Variants in ZFAT observed in about 807,000 individuals in gnomAD.
The protein encoded by ZFAT is zinc finger protein ZFAT.
ZFAT carries 64 observed loss-of-function variants against 117.7 expected under a neutral mutation model. That is an observed-to-expected ratio of 0.54 (90% CI 0.44 to 0.67). The LOEUF is 0.67. Among genes scored for constraint, ZFAT ranks in the 30% least tolerant of loss-of-function variants. The probability of loss-of-function intolerance (pLI) is 0.00; values close to 1 mark genes in which losing one functional copy is unlikely to be tolerated. For synonymous variants in ZFAT, 679 were observed against 615.0 expected (o/e 1.10, Z -1.54); for missense variants, 1,433 against 1,584.5 (o/e 0.90, Z 1.62).
chr8:134,735,399 G>A, the ZFAT span, among the ~76,000 whole-genome samples: 2 of 152,126 alleles, frequency 1.3e-5, no homozygotes, highest in African/African-American at 4.8e-5. Flanking sequence ...GGGATTGGAG[G>A]GCAGGCTATA....
intron 3 of ZFAT, among the ~76,000 whole-genome samples, chr8:134,630,216 A>G (rs76139143): frequency 0.02 from 3,102 of 152,354 alleles, 52 homozygotes; most frequent in Non-Finnish European, 0.03. Flanking sequence ...AAGACCAAGC[A>G]CGGCTGGAGA....
the ZFAT span, among the ~76,000 whole-genome samples, chr8:134,752,886 C>G: frequency 6.6e-6 from 1 of 152,150 alleles, no homozygotes; most frequent in Non-Finnish European, 1.5e-5. Flanking sequence ...GCCCCATCTC[C>G]AAATACCATC....
chr8:134,715,827 G>A (rs1246587086), upstream of ZFAT, among the ~76,000 whole-genome samples: 3 of 152,064 alleles, frequency 2.0e-5, no homozygotes, highest in South Asian at 2.1e-4. Context: ...GAATATATTC[G>A]TGTCAATAAT....
intron 11 of ZFAT, among the ~76,000 whole-genome samples, chr8:134,548,630 T>C (rs187627311): frequency 1.3e-4 from 20 of 152,286 alleles, no homozygotes. Flanking sequence ...TTTCACAAAA[T>C]GTAAGTGCTG....
chr8:134,685,084 GACGT>G (rs962117686), intron 1 of ZFAT, among the ~76,000 whole-genome samples: 5 of 152,098 alleles, frequency 3.3e-5, no homozygotes, highest in African/African-American at 1.2e-4. Context: ...TGGTCACACA[GACGT>G]TCCTATTAGT....
At chr8:134,635,551 C>T (rs112421184) in intron 3 of ZFAT, among the ~76,000 whole-genome samples, 14 of 152,162 alleles carry the variant, frequency 9.2e-5, no homozygotes, top group African/African-American at 2.7e-4. Context: ...TAAAATGCAA[C>T]GTCGTTACCT....
intron 2 of ZFAT, chr8:134,639,738 A>G: frequency 2.2e-6 from 1 of 456,338 alleles, no homozygotes; most frequent in Non-Finnish European, 4.4e-6. Flanking sequence ...TTCATATCAG[A>G]GAAGCAGAAT....
the ZFAT span, among the ~76,000 whole-genome samples, chr8:134,810,935 G>T: frequency 4.6e-5 from 7 of 151,842 alleles, no homozygotes; most frequent in Admixed American, 6.6e-5. Context: ...TAACTAACAT[G>T]GGGGGGAAAT....
intron 15 of ZFAT, among the ~76,000 whole-genome samples, chr8:134,482,675 T>A (rs117818462): frequency 6.6e-6 from 1 of 152,236 alleles, no homozygotes; most frequent in Non-Finnish European, 1.5e-5. Flanking sequence ...AGAATCCCCA[T>A]GAAATTCATC....
At position 134,602,508 on chromosome 8, in the gene ZFAT, T is replaced by A; in HGVS notation, c.1211A>T (p.Tyr404Phe). The A allele has an allele frequency of 6.2e-7, 1 of 1,613,916 alleles. No individual in the cohort carries two copies. The highest frequency in any genetic ancestry group is 8.5e-7 in the Non-Finnish European group (1 of 1,180,024). ...CTTGCGCTCACAGATGTGGCAGTCA[T>A]AGAGCAGCTGCCGCTTGCCCTCCCT... ...MTREGKRQLL[Y>F]DCHICERKFK... The change falls in exon 6 of 16, where the codon TAT becomes TTT. Residue 404 changes from tyrosine to phenylalanine, a missense_variant. Transcript: ENST00000377838.
upstream of ZFAT, chr8:134,713,097 C>T (rs1029455350): frequency 9.3e-6 from 4 of 429,052 alleles, no homozygotes; most frequent in African/African-American, 6.2e-5. Context: ...TTCGGGTGAC[C>T]CTCCCCCGGC....
chr8:134,505,799 C>T (rs773890095), intron 15 of ZFAT, among the ~76,000 whole-genome samples: 1 of 152,184 alleles, frequency 6.6e-6, no homozygotes, highest in East Asian at 1.9e-4. Flanking sequence ...GGAAGCACTG[C>T]AGACTTCTGA....
intron 11 of ZFAT, among the ~76,000 whole-genome samples, chr8:134,538,327 G>A (rs1821991278): frequency 6.6e-6 from 1 of 152,164 alleles, no homozygotes; most frequent in African/African-American, 2.4e-5. Context: ...CCTCCCCAGT[G>A]TCCACTGGAC....
At position 134,488,157 on chromosome 8, in the gene ZFAT, C is replaced by T. The variant is rs767424552; in HGVS notation, c.3493-9436G>A. ...AGGTCTGACTTCAGGAGGCACCTCA[C>T]GGCCCAGATGCTACTCAGTGGGGCC... On this transcript the variant is annotated intron_variant, in intron 15 of 15. Coordinates refer to ENST00000377838, the MANE Select transcript of ZFAT (RefSeq NM_020863.4). 8.5e-5 allele frequency among the ~76,000 whole-genome samples: 13 copies of T among 152,336 alleles called. No homozygotes were observed. In the Middle Eastern group the frequency reaches 0.01, roughly 120 times the overall value.
At chr8:134,720,211 C>G in the ZFAT span, among the ~76,000 whole-genome samples, 1 of 152,246 alleles carries the variant, frequency 6.6e-6, no homozygotes, top group African/African-American at 2.4e-5. Context: ...CCTCGGCAAC[C>G]CTGCACTGTG....
intron 1 of ZFAT, among the ~76,000 whole-genome samples, chr8:134,703,853 G>A (rs930291139): frequency 6.6e-6 from 1 of 152,080 alleles, no homozygotes; most frequent in African/African-American, 2.4e-5. Context: ...AGGGAAAGAA[G>A]GTGAAGACTG....
rs1826365312 is a variant in ZFAT, at chr8:134,590,250, C to T, written c.2563+18G>A. 6.3e-7 allele frequency: 1 copy of T among 1,591,894 alleles called. No homozygotes were observed. Among genetic ancestry groups the T allele is most frequent in the Admixed American group, 1.7e-5 (1 of 57,640 alleles). On this transcript the variant is annotated intron_variant, in intron 8 of 15. Transcript: ENST00000377838. The stretch of plus-strand genomic sequence containing the variant: ...CATTTTTAACATTAATCTTCCACTC[C>T]AAAATGCACAACCTTACCAGGATGG...
the ZFAT span, among the ~76,000 whole-genome samples, chr8:134,788,415 G>C: frequency 1.3e-5 from 2 of 152,084 alleles, no homozygotes; most frequent in African/African-American, 4.8e-5. Flanking sequence ...GTAGTTGCGG[G>C]TTTCTCTAAT....
chr8:134,512,693 T>C lies in ZFAT; in HGVS notation c.3235-92A>G, dbSNP rs1179126440. 2.0e-6 allele frequency: 3 copies of C among 1,479,060 alleles called. No homozygotes were observed. In the African/African-American group the frequency reaches 4.2e-5, roughly 21 times the overall value. The allele number at this position is 1,479,060 out of a possible 1,614,324, so 91.6% of individuals were successfully genotyped here. ...AACATACTAAGATAGAACAAACGCA[T>C]ATAAGAAAGCAATACATTGCAACAT... On this transcript the variant is annotated intron_variant, in intron 13 of 15. Transcript: ENST00000377838.
Sources: gnomAD v4.1 joint callset for allele counts (sites outside exome capture counted in the v4.1 genomes callset) on GRCh38, gnomAD v4.1.1 for gene constraint, MANE v1.5 for transcripts, NCBI Gene and HGNC (gene_info 2026-07-23, HGNC 2026-07-21) for gene names.